DOCK5: variants seen among roughly 807,000 people sequenced by gnomAD.
The protein encoded by DOCK5 is dedicator of cytokinesis protein 5.
In DOCK5, 142 loss-of-function variants were observed where a neutral mutation model predicts 251.8. That is an observed-to-expected ratio of 0.56 (90% confidence interval 0.49 to 0.65). The LOEUF is 0.65. Ranked by LOEUF, DOCK5 falls within the 30% of genes least tolerant of loss-of-function variation. The pLI, the probability that DOCK5 is intolerant of heterozygous loss-of-function variation, is 0.00. For missense variants in DOCK5, 2,111 were observed against 2,312.3 expected (o/e 0.91, Z 1.79); for synonymous variants, 842 against 835.5 (o/e 1.01, Z -0.13).
chr8:25,372,406 G>A (rs189857731), intron 34 of DOCK5, among the ~76,000 whole-genome samples, 153 bp from the exon 35 acceptor site: 176 of 152,312 alleles, frequency 1.2e-3, no homozygotes, highest in African/African-American at 3.8e-3. Context: ...GTGTGTGTGT[G>A]TCGGCTTAAC....
intron 17 of DOCK5, among the ~76,000 whole-genome samples, chr8:25,324,206 G>A (rs534987019): frequency 2.0e-5 from 3 of 152,138 alleles, no homozygotes; most frequent in Non-Finnish European, 4.4e-5. Flanking sequence ...CACGGGAGAG[G>A]TCCTGTGAAT....
intron 2 of DOCK5, among the ~76,000 whole-genome samples, chr8:25,256,363 G>T (rs577522189): frequency 6.6e-6 from 1 of 152,290 alleles, no homozygotes; most frequent in South Asian, 2.1e-4. Flanking sequence ...TACAGGCCGG[G>T]TGCAATGGCT....
intron 11 of DOCK5, among the ~76,000 whole-genome samples, chr8:25,305,707 C>G (rs886708067): frequency 2.0e-5 from 3 of 152,038 alleles, no homozygotes; most frequent in African/African-American, 7.2e-5. Context: ...AAATGCAAAT[C>G]GAAACATCAA....
intron 1 of DOCK5, among the ~76,000 whole-genome samples, chr8:25,215,141 AT>A (rs1348028096): frequency 6.6e-6 from 1 of 152,100 alleles, no homozygotes; most frequent in African/African-American, 2.4e-5. Context: ...CCGTTGGGAT[AT>A]GGTTCTTCAG....
intron 25 of DOCK5, among the ~76,000 whole-genome samples, chr8:25,343,523 T>G (rs916797016): frequency 3.9e-5 from 6 of 152,160 alleles, no homozygotes; most frequent in African/African-American, 1.2e-4. Flanking sequence ...GGTTCATTAA[T>G]TAGAGAATTT....
intron 1 of DOCK5, among the ~76,000 whole-genome samples, chr8:25,190,910 C>A: frequency 6.6e-6 from 1 of 151,394 alleles, no homozygotes; most frequent in Admixed American, 6.6e-5. Flanking sequence ...CAGCCTCCCG[C>A]ATAGCTGTGA....
Position 25,413,285 on chromosome 8 carries a change from T to A in DOCK5, c.*1987T>A, listed in dbSNP as rs1224571042. The stretch of plus-strand genomic sequence containing the variant: ...AAGAGCATTACTCATACTTTTTTTT[T>A]CTTCCAAGGTAGTTTGGAATGTGAG... On this transcript the variant is annotated 3_prime_UTR_variant, in exon 52 of 52. Transcript: ENST00000276440. 2 of 152,198 alleles carry A rather than the reference T, an allele frequency of 1.3e-5. No individual in the cohort carries two copies. Among genetic ancestry groups the A allele is most frequent in the Non-Finnish European group, 2.9e-5 (2 of 68,030 alleles). 9.4% of individuals were successfully genotyped at this position (152,198 alleles called of 1,614,324 possible).
chr8:25,285,302 C>T (rs1233640870), intron 5 of DOCK5, among the ~76,000 whole-genome samples: 4 of 152,182 alleles, frequency 2.6e-5, no homozygotes, highest in Non-Finnish European at 5.9e-5. Context: ...CGCATCACCA[C>T]GCCTGGCTAA....
At chr8:25,306,435 A>G (rs1000983608) in intron 11 of DOCK5, among the ~76,000 whole-genome samples, 122 of 152,290 alleles carry the variant, frequency 8.0e-4, no homozygotes, top group Admixed American at 5.5e-3. Flanking sequence ...GTCCGGGCGC[A>G]TAGGCTTACG....
chr8:25,205,263 C>T (rs1801974749), intron 1 of DOCK5, among the ~76,000 whole-genome samples: 1 of 152,038 alleles, frequency 6.6e-6, no homozygotes, highest in Non-Finnish European at 1.5e-5. Context: ...CTCTCTCCCT[C>T]TGTCTCTCTC....
intron 1 of DOCK5, among the ~76,000 whole-genome samples, chr8:25,202,627 G>A (rs140351711): frequency 2.7e-4 from 41 of 152,200 alleles, no homozygotes; most frequent in Non-Finnish European, 4.7e-4. Flanking sequence ...CAGTAGTCCC[G>A]CCTTATCCTC....
intron 2 of DOCK5, among the ~76,000 whole-genome samples, chr8:25,255,118 G>T: frequency 6.6e-6 from 1 of 152,124 alleles, no homozygotes; most frequent in East Asian, 1.9e-4. Context: ...ATGCAAAATG[G>T]TACAGCCACT....
intron 48 of DOCK5, among the ~76,000 whole-genome samples, chr8:25,405,306 A>G (rs941323787): frequency 3.3e-5 from 5 of 151,686 alleles, no homozygotes; most frequent in African/African-American, 1.2e-4. Flanking sequence ...TTCACTATTT[A>G]CAATTTTGTC....
chr8:25,316,142 CA>C (rs1805244703), intron 13 of DOCK5, among the ~76,000 whole-genome samples: 1 of 152,092 alleles, frequency 6.6e-6, no homozygotes, highest in African/African-American at 2.4e-5. Flanking sequence ...CAGCAGAAAG[CA>C]TTCTTTCATT....
At chr8:25,314,512 T>C (rs1805184665) in intron 13 of DOCK5, among the ~76,000 whole-genome samples, 1 of 151,946 alleles carries the variant, frequency 6.6e-6, no homozygotes, top group African/African-American at 2.4e-5. Flanking sequence ...TCTTGTGTTT[T>C]ATCTAAGAAA....
intron 2 of DOCK5, among the ~76,000 whole-genome samples, chr8:25,265,116 T>C (rs1413001680): frequency 2.6e-5 from 4 of 151,524 alleles, no homozygotes; most frequent in Admixed American, 6.6e-5. Context: ...CTCCATGGCA[T>C]ATAATACCTG....
In DOCK5 at chr8:25,317,044, C is replaced by T. The variant is rs201344040; in HGVS notation, c.1356C>T (p.His452=). 1.7e-5 allele frequency: 27 copies of T among 1,613,852 alleles called. No homozygotes were observed. Among genetic ancestry groups the T allele is most frequent in the Admixed American group, 1.5e-4 (9 of 60,022 alleles). The change falls in exon 14 of 52, where the codon CAC becomes CAT. Residue 452 remains histidine, a synonymous_variant. Coordinates refer to ENST00000276440, the MANE Select transcript of DOCK5 (RefSeq NM_024940.8). ...VRNDIYVTLI[H]GEFDKGKKKT... ...ATGACATTTATGTCACCCTGATCCACGGTGAGTTTGACAAAGGGAAGAAGA... is the reference window on the plus strand; with the variant it reads ...ATGACATTTATGTCACCCTGATCCATGGTGAGTTTGACAAAGGGAAGAAGA...
chr8:25,242,035 G>C (rs1017000246), intron 1 of DOCK5, among the ~76,000 whole-genome samples: 2 of 152,184 alleles, frequency 1.3e-5, no homozygotes, highest in South Asian at 4.1e-4. Flanking sequence ...GATAGTATTA[G>C]AAGAAATACC....
chr8:25,332,278 G>A lies in DOCK5; in HGVS notation c.1931G>A (p.Arg644His), dbSNP rs139728505. The A allele has an allele frequency of 1.7e-5, 28 of 1,613,328 alleles. No homozygotes were observed. Among genetic ancestry groups the A allele is most frequent in the East Asian group, 2.2e-5 (1 of 44,792 alleles). Residue 644 changes from arginine to histidine, a missense_variant, in exon 19 of 52, where the codon CGT becomes CAT. Arg to His is a conservative substitution (Grantham distance 29). Transcript: ENST00000276440. ...GACCTGTTAGGCTTGTTAAATTGGC[G>A]TTCCAACTCCCAGAACATTAAACAC... ...NVDLLGLLNW[R>H]SNSQNIKHNL...
Sources: gnomAD v4.1 joint callset for allele counts (sites outside exome capture counted in the v4.1 genomes callset) on GRCh38, gnomAD v4.1.1 for gene constraint, MANE v1.5 for transcripts, NCBI Gene and HGNC (gene_info 2026-07-23, HGNC 2026-07-21) for gene names.